Variants in NOL10 observed in about 807,000 individuals in gnomAD.
NOL10 encodes the protein H_NH0074G24.1.
Under a neutral mutation model 103.5 loss-of-function variants are expected in NOL10, and 58 were observed. The observed-to-expected ratio is 0.56, with a 90% CI of 0.45 to 0.70. The LOEUF is 0.70. Among genes scored for constraint, NOL10 ranks in the 30% least tolerant of loss-of-function variants. NOL10 has a pLI of 0.00. For synonymous variants in NOL10, 287 were observed against 282.5 expected (o/e 1.02, Z -0.16); for missense variants, 763 against 807.3 (o/e 0.95, Z 0.67).
At chr2:10,688,776 C>T (rs1039345517) in intron 1 of NOL10, among the ~76,000 whole-genome samples, 9 of 152,196 alleles carry the variant, frequency 5.9e-5, no homozygotes, top group Admixed American at 2.0e-4. Flanking sequence ...ACAGTAACTT[C>T]TCAATACATG....
At chr2:10,644,110 TG>T (rs2148280905) in intron 13 of NOL10, among the ~76,000 whole-genome samples, 1 of 152,008 alleles carries the variant, frequency 6.6e-6, no homozygotes, top group Non-Finnish European at 1.5e-5. Context: ...ATTAGCCAGG[TG>T]TGGTAGCGTA....
intron 1 of NOL10, among the ~76,000 whole-genome samples, chr2:10,689,196 G>A (rs1479678591): frequency 1.3e-5 from 2 of 152,160 alleles, no homozygotes; most frequent in Non-Finnish European, 2.9e-5. Context: ...CATATTAAAC[G>A]CATTATTAAA....
intron 9 of NOL10, among the ~76,000 whole-genome samples, chr2:10,661,267 G>T (rs546060769): frequency 1.5e-4 from 23 of 151,690 alleles, no homozygotes; most frequent in Non-Finnish European, 2.8e-4. Context: ...TAGAGACAGG[G>T]TTTCTCTGTG....
chr2:10,617,036 G>A lies in NOL10; in HGVS notation c.1027-9725C>T, dbSNP rs566149541. On this transcript the variant is annotated intron_variant, in intron 13 of 20. Transcript: ENST00000381685. ...AACACAGAACAATCCCCACCCTCAAGGAGCTTACCTTCCAGAAAGGGGAAA... is the reference window on the plus strand; with the variant it reads ...AACACAGAACAATCCCCACCCTCAAAGAGCTTACCTTCCAGAAAGGGGAAA... Among the ~76,000 whole-genome samples the A allele has an allele frequency of 1.9e-4, 29 of 152,208 alleles. No individual in the cohort carries two copies. In the Middle Eastern group the frequency reaches 0.01, roughly 54 times the overall value.
At chr2:10,608,017 T>C (rs1676348764) in intron 13 of NOL10, among the ~76,000 whole-genome samples, 1 of 152,100 alleles carries the variant, frequency 6.6e-6, no homozygotes, top group Non-Finnish European at 1.5e-5. Context: ...TGAAAATCGC[T>C]AAGAGAGTAG....
chr2:10,672,963 C>T (rs1271050153), intron 5 of NOL10, among the ~76,000 whole-genome samples: 2 of 151,854 alleles, frequency 1.3e-5, no homozygotes, highest in African/African-American at 4.8e-5. Flanking sequence ...ACTGCCCCTC[C>T]GGCCTGGGTG....
intron 14 of NOL10, among the ~76,000 whole-genome samples, chr2:10,604,136 C>T (rs570188067): frequency 7.2e-5 from 11 of 152,342 alleles, no homozygotes; most frequent in African/African-American, 1.9e-4. Context: ...TCAAATGCCA[C>T]GGCTGGCAGG....
intron 13 of NOL10, among the ~76,000 whole-genome samples, chr2:10,618,676 C>T (rs1676969897): frequency 6.6e-6 from 1 of 152,004 alleles, no homozygotes; most frequent in Admixed American, 6.6e-5. Context: ...CAGGAGCTAC[C>T]CTGGCTTAGG....
Position 10,649,036 on chromosome 2 carries a change from G to A in NOL10, c.974-4664C>T, listed in dbSNP as rs186941936. ...AGGAAAACCTGAAAATGGACTGGAT[G>A]TAAGATAATATTAGAAAAGGGCTGC... On this transcript the variant is annotated intron_variant, in intron 12 of 20. Coordinates refer to ENST00000381685, the MANE Select transcript of NOL10 (RefSeq NM_024894.4). 4.6e-5 allele frequency among the ~76,000 whole-genome samples: 7 copies of A among 152,254 alleles called. No individual in the cohort carries two copies. The East Asian group carries it at 1.2e-3, about 25-fold the overall frequency.
At chr2:10,654,851 C>T (rs1277040134) in intron 11 of NOL10, among the ~76,000 whole-genome samples, 5 of 151,996 alleles carry the variant, frequency 3.3e-5, no homozygotes. Context: ...TTGAATTATG[C>T]ATCAACTTTA....
Position 10,604,022 on chromosome 2 carries a change from A to C in NOL10, c.1154-865T>G, listed in dbSNP as rs182776450. ...TGCAGGGAGGGACAGTTTCAGGACG[A>C]AACTATTCCACCTCAGATCATCAGG... On this transcript the variant is annotated intron_variant, in intron 14 of 20. Coordinates refer to ENST00000381685, the MANE Select transcript of NOL10 (RefSeq NM_024894.4). Among the ~76,000 whole-genome samples the C allele has an allele frequency of 2.5e-3, 385 of 152,366 alleles. 2 individuals carry two copies. Among genetic ancestry groups the C allele is most frequent in the African/African-American group, 8.6e-3 (358 of 41,592 alleles).
chr2:10,674,383 T>C (rs1681151272), intron 4 of NOL10, among the ~76,000 whole-genome samples: 1 of 152,216 alleles, frequency 6.6e-6, no homozygotes. Flanking sequence ...TTGACTTCAG[T>C]GCCATTCAAA....
chr2:10,679,934 T>C (rs1251851662), intron 3 of NOL10, among the ~76,000 whole-genome samples: 1 of 151,994 alleles, frequency 6.6e-6, no homozygotes, highest in African/African-American at 2.4e-5. Flanking sequence ...ATATTATTTA[T>C]TAAATATTTT....
Position 10,668,739 on chromosome 2 carries a change from G to C in NOL10, c.465-16C>G. 1 of 1,303,622 alleles carries C rather than the reference G, an allele frequency of 7.7e-7. No individual in the cohort carries two copies. The highest frequency in any genetic ancestry group is 1.1e-6 in the Non-Finnish European group (1 of 952,320). The allele number at this position is 1,303,622 out of a possible 1,614,324, so 80.8% of individuals were successfully genotyped here. On this transcript the variant is annotated splice_polypyrimidine_tract_variant and intron_variant, in intron 6 of 20. Coordinates refer to ENST00000381685, the MANE Select transcript of NOL10 (RefSeq NM_024894.4). ...AACTTCAGAACTGTAAAGTAATAAA[G>C]AAAGTTAAAAACCTGCTAAACTACA...
intron 19 of NOL10, among the ~76,000 whole-genome samples, chr2:10,580,819 TG>T (rs1572227382): frequency 6.6e-6 from 1 of 151,870 alleles, no homozygotes; most frequent in East Asian, 1.9e-4. Context: ...AGGGGCGGTG[TG>T]GGGGTGGAGG....
chr2:10,689,370 T>G (rs1337767442), intron 1 of NOL10, among the ~76,000 whole-genome samples: 1 of 152,210 alleles, frequency 6.6e-6, no homozygotes, highest in Non-Finnish European at 1.5e-5. Context: ...TCTCCCTTGT[T>G]CACTGTTGTA....
Position 10,627,660 on chromosome 2 carries a change from G to A in NOL10, c.1026+16660C>T, listed in dbSNP as rs139737062. 9.3e-5 allele frequency among the ~76,000 whole-genome samples: 14 copies of A among 150,404 alleles called. No individual in the cohort carries two copies. In the East Asian group the frequency reaches 2.4e-3, roughly 26 times the overall value. On this transcript the variant is annotated intron_variant, in intron 13 of 20. Coordinates refer to ENST00000381685, the MANE Select transcript of NOL10 (RefSeq NM_024894.4). ...ACTGCACTCTAGCCTGGGTGACAGC[G>A]TAAGACTCCGTCTCAAAAAAAACAA...
At chr2:10,627,995 G>T (rs1677589094) in intron 13 of NOL10, among the ~76,000 whole-genome samples, 1 of 152,042 alleles carries the variant, frequency 6.6e-6, no homozygotes, top group African/African-American at 2.4e-5. Context: ...ATTCAAATTT[G>T]TCTTTTTCCT....
intron 13 of NOL10, among the ~76,000 whole-genome samples, chr2:10,629,866 T>C (rs774767716): frequency 4.6e-5 from 7 of 152,252 alleles, no homozygotes; most frequent in Non-Finnish European, 8.8e-5. Flanking sequence ...TAAAAGTCCA[T>C]GCTCACACAA....
Sources: allele counts gnomAD v4.1 joint callset (sites outside exome capture counted in the v4.1 genomes callset), GRCh38; gene constraint gnomAD v4.1.1; transcripts MANE v1.5; gene names NCBI Gene and HGNC (gene_info 2026-07-23, HGNC 2026-07-21).